The following CLEC6A variants were observed in gnomAD, a reference collection of about 807,000 sequenced individuals.
CLEC6A encodes C-type lectin domain containing 6A.
CLEC6A carries 22 observed loss-of-function variants against 25.7 expected under a neutral mutation model. The observed-to-expected ratio is 0.85, with a 90% CI of 0.61 to 1.22. CLEC6A has a LOEUF of 1.22. Ranked by LOEUF, CLEC6A falls within the 50% of genes most tolerant of loss-of-function variation. The pLI is 0.00. For synonymous variants in CLEC6A, 92 were observed against 76.7 expected (o/e 1.20, Z -1.04); for missense variants, 240 against 236.8 (o/e 1.01, Z -0.09).
At chr12:8,462,489 T>C (rs1435949831) in intron 3 of CLEC6A, among the ~76,000 whole-genome samples, 1 of 142,798 alleles carries the variant, frequency 7.0e-6, no homozygotes, top group Non-Finnish European at 1.5e-5. Flanking sequence ...ATGTTCCATC[T>C]ACTGAGATAG....
At chr12:8,472,511 G>T (rs1213809191) in intron 4 of CLEC6A, among the ~76,000 whole-genome samples, 1 of 152,048 alleles carries the variant, frequency 6.6e-6, no homozygotes, top group Non-Finnish European at 1.5e-5. Context: ...CTATTGCATT[G>T]TGCCCCAGTA....
At chr12:8,461,731 A>G (rs749010596) in intron 3 of CLEC6A, among the ~76,000 whole-genome samples, 1 of 152,362 alleles carries the variant, frequency 6.6e-6, no homozygotes, top group South Asian at 2.1e-4. Context: ...ACGTTAAAAA[A>G]TAATTGAAAT....
At position 8,456,228 on chromosome 12, in the gene CLEC6A, T is replaced by C. The variant is rs927349628; in HGVS notation, c.31+86T>C. ...AGAGAAGAAGTAGCCAAAGAACAGA[T>C]TGAAGAGCTAGTGATTGGACCAATA... On this transcript the variant is annotated intron_variant, in intron 1 of 5. Transcript: ENST00000382073. 84 of 1,344,416 alleles carry C rather than the reference T, an allele frequency of 6.2e-5. 1 individual carries two copies. The highest frequency in any genetic ancestry group is 8.7e-5 in the Non-Finnish European group (82 of 938,822). 83.3% of individuals were successfully genotyped at this position (1,344,416 alleles called of 1,614,324 possible). A position where few individuals can be genotyped will look rare whatever the true frequency, so the allele number is the denominator to read the frequency against.
chr12:8,457,127 A>T (rs1939687309), intron 1 of CLEC6A, among the ~76,000 whole-genome samples: 1 of 151,984 alleles, frequency 6.6e-6, no homozygotes, highest in African/African-American at 2.4e-5. Context: ...AAAAAAAGTT[A>T]ACTACAGTTA....
At chr12:8,473,494 C>T (rs1939933796) in intron 4 of CLEC6A, among the ~76,000 whole-genome samples, 1 of 152,012 alleles carries the variant, frequency 6.6e-6, no homozygotes, top group Admixed American at 6.5e-5. Flanking sequence ...GCACCTAGGT[C>T]GATTCCATGT....
intron 4 of CLEC6A, 30 bp from the exon 5 acceptor site, chr12:8,476,095 T>A (rs1389361933): frequency 7.0e-7 from 1 of 1,422,536 alleles, no homozygotes; most frequent in South Asian, 1.2e-5. Flanking sequence ...AATACCAAAG[T>A]CTTTGACTCC....
At position 8,466,625 on chromosome 12, in the gene CLEC6A, C is replaced by G. The variant is rs116812443; in HGVS notation, c.369+996C>G. Among the ~76,000 whole-genome samples the G allele has an allele frequency of 5.0e-3, 763 of 151,500 alleles. 7 individuals are homozygous for G. The highest frequency in any genetic ancestry group is 0.017 in the African/African-American group (709 of 41,314). On this transcript the variant is annotated intron_variant, in intron 4 of 5. Transcript: ENST00000382073. Reference sequence around the variant, plus strand: ...TCTCATTGTGATTTTGATTTGTATTCCTTTAATGATTAGTGATGTTGAGCA... The same window carrying G: ...TCTCATTGTGATTTTGATTTGTATTGCTTTAATGATTAGTGATGTTGAGCA...
intron 3 of CLEC6A, among the ~76,000 whole-genome samples, chr12:8,463,316 ATAAT>A (rs1179660981): frequency 1.6e-5 from 1 of 64,198 alleles, no homozygotes; most frequent in Non-Finnish European, 3.8e-5. Context: ...TAAATCATTA[ATAAT>A]TAAGTAAAAC....
intron 3 of CLEC6A, among the ~76,000 whole-genome samples, chr12:8,464,390 T>A (rs774320133): frequency 6.6e-6 from 1 of 151,336 alleles, no homozygotes; most frequent in Non-Finnish European, 1.5e-5. Flanking sequence ...AGTGCGGTGG[T>A]GCAATCTCGG....
chr12:8,463,530 A>G (rs1387339833), intron 3 of CLEC6A, among the ~76,000 whole-genome samples: 1 of 152,210 alleles, frequency 6.6e-6, no homozygotes, highest in Non-Finnish European at 1.5e-5. Context: ...AATTTTGGAT[A>G]TTCTTTCAGC....
At chr12:8,456,382 C>T (rs1013456556) in intron 1 of CLEC6A, among the ~76,000 whole-genome samples, 2 of 152,088 alleles carry the variant, frequency 1.3e-5, no homozygotes, top group African/African-American at 2.4e-5. Flanking sequence ...TTTAGGGAGA[C>T]AGAAAAGATT....
In CLEC6A at chr12:8,457,964, C is replaced by T. The variant is rs997754756; in HGVS notation, c.98C>T (p.Ala33Val). Residue 33 changes from alanine to valine, a missense_variant, in exon 2 of 6, where the codon GCT (alanine) becomes GTT (valine). Physicochemically the swap from Ala to Val is moderately conservative, Grantham distance 64 (BLOSUM62 0). Transcript: ENST00000382073. ...VAGISIALLS[A>V]CFIVSCVVTY... ...GGGATTTCCATTGCACTCCTCAGTG[C>T]TTGCTTCATTGTGAGCTGTGTAGGT... The T allele has an allele frequency of 2.0e-5, 33 of 1,613,428 alleles. No homozygotes were observed. Among genetic ancestry groups the T allele is most frequent in the Non-Finnish European group, 2.5e-5 (30 of 1,179,492 alleles).
At chr12:8,473,717 T>C (rs943070843) in intron 4 of CLEC6A, among the ~76,000 whole-genome samples, 1 of 152,208 alleles carries the variant, frequency 6.6e-6, no homozygotes, top group Admixed American at 6.5e-5. Context: ...TGTTCCCTTT[T>C]CTCTACAGCC....
chr12:8,461,121 C>T, intron 3 of CLEC6A: 1 of 1,590,944 alleles, frequency 6.3e-7, no homozygotes, highest in Non-Finnish European at 8.5e-7. Context: ...CATCTGCAGG[C>T]TGAAAGAGCC....
chr12:8,468,417 A>G (rs1939864772), intron 4 of CLEC6A, among the ~76,000 whole-genome samples: 1 of 152,234 alleles, frequency 6.6e-6, no homozygotes, highest in African/African-American at 2.4e-5. Context: ...TACATATAAG[A>G]TTATGTCATC....
At position 8,469,550 on chromosome 12, in the gene CLEC6A, A is replaced by G. The variant is rs762196123; in HGVS notation, c.369+3921A>G. Among the ~76,000 whole-genome samples, 99 of 152,236 alleles carry G rather than the reference A, an allele frequency of 6.5e-4. 1 individual carries two copies. Among genetic ancestry groups the G allele is most frequent in the Admixed American group, 3.3e-4 (5 of 15,284 alleles). On this transcript the variant is annotated intron_variant, in intron 4 of 5. Coordinates refer to ENST00000382073, the MANE Select transcript of CLEC6A (RefSeq NM_001007033.2). Reference sequence around the variant, plus strand: ...ACTCTAAACTATACTATAAGGCCGTATTCACCAAAACAACATGGTACTGGT... The same window carrying G: ...ACTCTAAACTATACTATAAGGCCGTGTTCACCAAAACAACATGGTACTGGT...
At position 8,459,692 on chromosome 12, in the gene CLEC6A, G is replaced by A. The variant is rs1308706292; in HGVS notation, c.217G>A (p.Val73Met). 11 of 1,604,678 alleles carry A rather than the reference G, an allele frequency of 6.9e-6. No homozygotes were observed. Among genetic ancestry groups the A allele is most frequent in the African/African-American group, 1.3e-5 (1 of 74,706 alleles). The change falls in exon 3 of 6, where the codon GTG becomes ATG. Residue 73 changes from valine to methionine, a missense_variant. Coordinates refer to ENST00000382073, the MANE Select transcript of CLEC6A (RefSeq NM_001007033.2). ...SLTCFSEGTK[V>M]PAWGCCPASW... is the part of the protein sequence containing the mutation. ...CACCTGCTTCAGTGAAGGGACAAAG[G>A]TGCCAGGTAAATCTTTAAAATACTG...
At chr12:8,469,952 A>G (rs1051590591) in intron 4 of CLEC6A, among the ~76,000 whole-genome samples, 6 of 152,316 alleles carry the variant, frequency 3.9e-5, no homozygotes, top group Admixed American at 3.9e-4. Context: ...ATTAAACTAA[A>G]AAGCTTTGCA....
chr12:8,458,238 A>G (rs774472579), intron 2 of CLEC6A, among the ~76,000 whole-genome samples: 1 of 152,282 alleles, frequency 6.6e-6, no homozygotes, highest in East Asian at 1.9e-4. Flanking sequence ...CATGTTGTCC[A>G]TTGTAGCCAT....
Sources: gnomAD v4.1 joint callset for allele counts (sites outside exome capture counted in the v4.1 genomes callset) on GRCh38, gnomAD v4.1.1 for gene constraint, MANE v1.5 for transcripts, NCBI Gene and HGNC (gene_info 2026-07-23, HGNC 2026-07-21) for gene names.